ZNF407: variants seen among roughly 807,000 people sequenced by gnomAD.
The protein encoded by ZNF407 is zinc finger protein 407.
A neutral mutation model predicts 131.2 loss-of-function variants in ZNF407; 17 were observed. That is an observed-to-expected ratio of 0.13 (90% confidence interval 0.09 to 0.19). ZNF407 has a LOEUF of 0.19. Among genes scored for constraint, ZNF407 ranks in the 10% least tolerant of loss-of-function variants. The pLI, the probability that ZNF407 is intolerant of heterozygous loss-of-function variation, is 1.00. For missense variants in ZNF407, 2,681 were observed against 2,830.6 expected (o/e 0.95, Z 1.20); for synonymous variants, 1,156 against 1,062.0 (o/e 1.09, Z -1.72).
chr18:74,948,841 A>G (rs932075495), intron 8 of ZNF407, among the ~76,000 whole-genome samples: 26 of 152,244 alleles, frequency 1.7e-4, no homozygotes, highest in African/African-American at 6.3e-4. Context: ...TAAGATTTCA[A>G]ATTAGAGTTA....
intron 8 of ZNF407, among the ~76,000 whole-genome samples, chr18:74,981,662 C>T (rs890628377): frequency 6.7e-6 from 1 of 148,478 alleles, no homozygotes; most frequent in Non-Finnish European, 1.5e-5. Context: ...CCTGGAGGAG[C>T]GCAGGATGTG....
intron 8 of ZNF407, among the ~76,000 whole-genome samples, chr18:75,005,052 A>T (rs1394140987): frequency 1.3e-5 from 2 of 152,188 alleles, no homozygotes; most frequent in Non-Finnish European, 2.9e-5. Context: ...AAGACTCATA[A>T]ATAATTTTGA....
chr18:74,825,380 T>C (rs189462754), intron 4 of ZNF407, among the ~76,000 whole-genome samples: 3 of 152,216 alleles, frequency 2.0e-5, no homozygotes, highest in East Asian at 1.9e-4. Context: ...TGTATTCAAA[T>C]AGGAAAAGAG....
chr18:74,660,879 G>A (rs1271574896), intron 3 of ZNF407, among the ~76,000 whole-genome samples: 1 of 152,086 alleles, frequency 6.6e-6, no homozygotes, highest in African/African-American at 2.4e-5. Flanking sequence ...AAATTAATCT[G>A]GTGGAGCTGA....
rs200055040 is a variant in ZNF407 at position 75,063,397 on chromosome 18, G to C, written c.5676G>C (p.Thr1892=). ...AGACGGCCGCCGCCACGCTGCAGAC[G>C]CTGGCCATGGCCGGCCAGGTGGCCC... The part of the protein sequence containing the change: ...VEETAAATLQ[T]LAMAGQVARV... The change falls in exon 9 of 9, where the codon ACG becomes ACC. Residue 1892 remains threonine (T), a synonymous_variant. Transcript: ENST00000299687. This position sits in a 1 kb window ranked among gnomAD's most constrained non-coding sequence, Gnocchi z 6.6. The C allele has an allele frequency of 1.3e-5, 21 of 1,610,956 alleles. No homozygotes were observed. In the African/African-American group the frequency reaches 2.4e-4, roughly 18 times the overall value.
chr18:74,785,746 T>G (rs982483151), intron 4 of ZNF407, among the ~76,000 whole-genome samples: 1 of 152,040 alleles, frequency 6.6e-6, no homozygotes, highest in Non-Finnish European at 1.5e-5. Flanking sequence ...GCACCTGGCA[T>G]GCACCTGGCA....
At chr18:74,920,348 T>C (rs1971830519) in intron 7 of ZNF407, among the ~76,000 whole-genome samples, 166 bp from the exon 8 acceptor site, 1 of 152,206 alleles carries the variant, frequency 6.6e-6, no homozygotes, top group Non-Finnish European at 1.5e-5. Flanking sequence ...TTATAAAAAC[T>C]ACCAGCCTCA....
chr18:75,034,974 A>G (rs189900196), intron 8 of ZNF407, among the ~76,000 whole-genome samples: 1 of 152,202 alleles, frequency 6.6e-6, no homozygotes, highest in East Asian at 1.9e-4. Flanking sequence ...GTTGCAGGCT[A>G]TTATACATCA....
chr18:75,046,945 G>C (rs1973442500), intron 8 of ZNF407, among the ~76,000 whole-genome samples: 1 of 152,144 alleles, frequency 6.6e-6, no homozygotes, highest in Admixed American at 6.5e-5. Context: ...TACTCTGTAG[G>C]TTAAAAAGTA....
chr18:74,599,847 A>C (rs1475073964), intron 1 of ZNF407, among the ~76,000 whole-genome samples: 1 of 152,216 alleles, frequency 6.6e-6, no homozygotes, highest in African/African-American at 2.4e-5. Flanking sequence ...ATCTATGAAT[A>C]GGCGAATAAA....
chr18:74,727,631 A>G (rs141262457), intron 3 of ZNF407, among the ~76,000 whole-genome samples: 1 of 152,220 alleles, frequency 6.6e-6, no homozygotes, highest in Non-Finnish European at 1.5e-5. Flanking sequence ...TTACTTTTCA[A>G]CTTTCAGAAT....
At chr18:74,721,972 T>C (rs1968047829) in intron 3 of ZNF407, among the ~76,000 whole-genome samples, 1 of 152,280 alleles carries the variant, frequency 6.6e-6, no homozygotes, top group South Asian at 2.1e-4. Flanking sequence ...AGCTCTTAAT[T>C]GTATTTTTTC....
chr18:75,008,612 A>T (rs1972938877), intron 8 of ZNF407, among the ~76,000 whole-genome samples: 2 of 152,168 alleles, frequency 1.3e-5, no homozygotes, highest in African/African-American at 4.8e-5. Context: ...CTTTCTTATT[A>T]GTCATTTGTA....
At chr18:74,606,742 G>T (rs114942411) in intron 1 of ZNF407, among the ~76,000 whole-genome samples, 3,506 of 152,314 alleles carry the variant, frequency 0.023, 134 homozygotes, top group African/African-American at 0.079. Flanking sequence ...ACTTGATATA[G>T]AATTAAATAG....
intron 8 of ZNF407, among the ~76,000 whole-genome samples, chr18:74,938,489 C>T (rs1057193652): frequency 2.0e-5 from 3 of 152,134 alleles, no homozygotes; most frequent in Admixed American, 6.5e-5. Flanking sequence ...CCTTTTAGAT[C>T]GTCTTAATTT....
chr18:74,762,699 T>A (rs1410848343), intron 3 of ZNF407, among the ~76,000 whole-genome samples: 1 of 151,974 alleles, frequency 6.6e-6, no homozygotes, highest in Non-Finnish European at 1.5e-5. Flanking sequence ...TTCTTGTCAG[T>A]CTTTTTTTTT....
chr18:74,730,342 A>C (rs975302782), intron 3 of ZNF407, among the ~76,000 whole-genome samples: 26 of 152,194 alleles, frequency 1.7e-4, no homozygotes, highest in Admixed American at 4.6e-4. Flanking sequence ...TCAAGATTAA[A>C]ATGCAAGGAA....
chr18:74,993,279 A>G (rs1972739992), intron 8 of ZNF407, among the ~76,000 whole-genome samples: 1 of 152,248 alleles, frequency 6.6e-6, no homozygotes, highest in Admixed American at 6.5e-5. Context: ...CAGCAGATGA[A>G]TGGACAATTC....
rs567837716 is a variant in ZNF407, at chr18:75,028,972, C to T, written c.5429-34178C>T. 2.0e-5 allele frequency among the ~76,000 whole-genome samples: 3 copies of T among 152,284 alleles called. No homozygotes were observed. In the South Asian group the frequency reaches 6.2e-4, roughly 32 times the overall value. Reference sequence around the variant, plus strand: ...TGTTAGAATAGCTGAAAATCTGTATCGGGATATTCTGCCCACAGAATATCC... The same window carrying T: ...TGTTAGAATAGCTGAAAATCTGTATTGGGATATTCTGCCCACAGAATATCC... On this transcript the variant is annotated intron_variant, in intron 8 of 8. Coordinates refer to ENST00000299687, the MANE Select transcript of ZNF407 (RefSeq NM_017757.3).
Sources: gnomAD v4.1 joint callset for allele counts (sites outside exome capture counted in the v4.1 genomes callset) on GRCh38, gnomAD v4.1.1 for gene constraint, Gnocchi (gnomAD v3.1) non-coding constraint, MANE v1.5 for transcripts, NCBI Gene and HGNC (gene_info 2026-07-23, HGNC 2026-07-21) for gene names.